The following DCLK2 variants were observed in gnomAD, a reference collection of about 807,000 sequenced individuals.
DCLK2 encodes doublecortin like kinase 2, also known as serine/threonine-protein kinase DCLK2.
Under a neutral mutation model 78.4 loss-of-function variants are expected in DCLK2, and 31 were observed. That is an observed-to-expected ratio of 0.40 (90% CI 0.30 to 0.53). The LOEUF (loss-of-function observed/expected upper bound fraction) is 0.53, where lower values mean the gene tolerates loss of function less well. Among genes scored for constraint, DCLK2 ranks in the 20% least tolerant of loss-of-function variants. The probability of loss-of-function intolerance (pLI) is 0.61; values close to 1 mark genes in which losing one functional copy is unlikely to be tolerated. For synonymous variants in DCLK2, 407 were observed against 374.9 expected, an observed-to-expected ratio of 1.09 and a Z score of -0.99; for missense variants, 872 against 973.7, an observed-to-expected ratio of 0.90 and a Z score of 1.39.
At position 150,166,834 on chromosome 4, in the gene DCLK2, T is replaced by G. The variant is rs144367589; in HGVS notation, c.757-26304T>G. Among the ~76,000 whole-genome samples, 15 of 152,290 alleles carry G rather than the reference T, an allele frequency of 9.8e-5. No individual in the cohort carries two copies. In the East Asian group the frequency reaches 2.9e-3, roughly 29 times the overall value. ...TCCTTTTCTGATTAGGAGACAACGC[T>G]CAAAAAGCAGCACTTCTGACTTTTT... On this transcript the variant is annotated intron_variant, in intron 2 of 15. Coordinates refer to ENST00000296550, the MANE Select transcript of DCLK2 (RefSeq NM_001040260.4).
In DCLK2 at chr4:150,256,314, G is replaced by A. The variant is rs1464033773; in HGVS notation, c.*67G>A. ...AGCCAGCCCTCTGCTCGGCCTCGCC[G>A]GCCTCCCTGCTGCAGGCCTCCCTCT... On this transcript the variant is annotated 3_prime_UTR_variant, in exon 16 of 16. Transcript: ENST00000296550. The A allele has an allele frequency of 2.1e-5, 31 of 1,442,700 alleles. No homozygotes were observed. The highest frequency in any genetic ancestry group is 1.3e-4 in the South Asian group (9 of 68,812). The allele number at this position is 1,442,700 out of a possible 1,614,324, so 89.4% of individuals were successfully genotyped here.
chr4:150,220,961 C>T (rs1466470729), intron 6 of DCLK2, among the ~76,000 whole-genome samples, 183 bp downstream of exon 6: 5 of 152,228 alleles, frequency 3.3e-5, no homozygotes, highest in South Asian at 2.1e-4. Flanking sequence ...AAAGAAAAAT[C>T]TCATTGTCAT....
intron 1 of DCLK2, among the ~76,000 whole-genome samples, chr4:150,081,169 AAG>A (rs1729237750): frequency 6.6e-6 from 1 of 152,224 alleles, no homozygotes; most frequent in Non-Finnish European, 1.5e-5. Context: ...ATGGTTTCTT[AAG>A]AGTCAACAAT....
In DCLK2 at chr4:150,078,941, C is replaced by T. The variant is rs979897311; in HGVS notation, c.-87C>T. 4 of 1,404,942 alleles carry T rather than the reference C, an allele frequency of 2.8e-6. No individual in the cohort carries two copies. In the African/African-American group the frequency reaches 4.5e-5, roughly 16 times the overall value. The allele number at this position is 1,404,942 out of a possible 1,614,324, so 87.0% of individuals were successfully genotyped here. ...GCCAGGTGTCCCGGCGCGTTAAGGG[C>T]CCTCGCAGTCAGACGTCCCTGCACC... On this transcript the variant is annotated 5_prime_UTR_variant, in exon 1 of 16. Transcript: ENST00000296550.
chr4:150,167,697 T>C (rs911376750), intron 2 of DCLK2, among the ~76,000 whole-genome samples: 2 of 152,042 alleles, frequency 1.3e-5, no homozygotes, highest in Non-Finnish European at 2.9e-5. Flanking sequence ...TTTAAAATAA[T>C]GATTGGTCGC....
chr4:150,126,580 T>C (rs1732932409), intron 2 of DCLK2, among the ~76,000 whole-genome samples: 2 of 152,216 alleles, frequency 1.3e-5, no homozygotes, highest in Non-Finnish European at 2.9e-5. Context: ...ATATGTATTT[T>C]AGGTCTTTTT....
intron 5 of DCLK2, among the ~76,000 whole-genome samples, chr4:150,211,709 T>C (rs1695635591): frequency 6.6e-6 from 1 of 152,146 alleles, no homozygotes; most frequent in South Asian, 2.1e-4. Flanking sequence ...TCCCTACTCA[T>C]TCTTTTTCCT....
At chr4:150,254,171 G>A (rs1744396133) in intron 15 of DCLK2, among the ~76,000 whole-genome samples, 1 of 152,192 alleles carries the variant, frequency 6.6e-6, no homozygotes, top group Non-Finnish European at 1.5e-5. Flanking sequence ...AGGGAATGCC[G>A]AGAAGCCGCC....
intron 2 of DCLK2, among the ~76,000 whole-genome samples, chr4:150,186,617 A>T (rs1270228588): frequency 2.6e-5 from 4 of 152,250 alleles, no homozygotes; most frequent in Non-Finnish European, 5.9e-5. Context: ...ATGAATGTGC[A>T]GTAGTACATT....
intron 1 of DCLK2, among the ~76,000 whole-genome samples, chr4:150,080,846 C>T (rs1054832526): frequency 1.3e-5 from 2 of 152,198 alleles, no homozygotes; most frequent in African/African-American, 4.8e-5. Context: ...TAAATTGTCT[C>T]TTCAGTCTAC....
chr4:150,143,238 A>G (rs946751895), intron 2 of DCLK2, among the ~76,000 whole-genome samples: 1 of 152,146 alleles, frequency 6.6e-6, no homozygotes, highest in African/African-American at 2.4e-5. Flanking sequence ...TGAACATTCA[A>G]TAGTCATTGA....
intron 12 of DCLK2, among the ~76,000 whole-genome samples, chr4:150,241,795 C>G (rs1440955297): frequency 6.6e-6 from 1 of 152,160 alleles, no homozygotes; most frequent in Non-Finnish European, 1.5e-5. Flanking sequence ...TAACCACATA[C>G]AGTGGAAAGG....
chr4:150,195,379 TA>T (rs67038036), intron 3 of DCLK2, among the ~76,000 whole-genome samples: 2 of 7,134 alleles, frequency 2.8e-4, no homozygotes, highest in African/African-American at 1.0e-3. Flanking sequence ...TAATATTATA[TA>T]ATATATATAT....
intron 2 of DCLK2, among the ~76,000 whole-genome samples, chr4:150,164,022 T>A (rs1292352907): frequency 6.6e-6 from 1 of 152,214 alleles, no homozygotes; most frequent in Non-Finnish European, 1.5e-5. Flanking sequence ...CCTCCTGCCT[T>A]GGCCTCTGAA....
intron 2 of DCLK2, among the ~76,000 whole-genome samples, chr4:150,175,195 C>CT (rs1736972317): frequency 1.2e-5 from 1 of 81,190 alleles, no homozygotes; most frequent in African/African-American, 5.8e-5. Flanking sequence ...TATAATTTAT[C>CT]TATATATATT....
At position 150,102,596 on chromosome 4, in the gene DCLK2, C is replaced by T. The variant is rs967677349; in HGVS notation, c.540C>T (p.Ala180=). ...GGACATCCCGAGCGCTGGCTGCTGCCTCCTCTGTGAAAAGTGAAGTAAAAG... is the reference window on the plus strand; with the variant it reads ...GGACATCCCGAGCGCTGGCTGCTGCTTCCTCTGTGAAAAGTGAAGTAAAAG... ...KGGTSRALAA[A]SSVKSEVKES... is the part of the protein sequence containing the mutation. Residue 180 remains alanine (A), a synonymous_variant, in exon 2 of 16, where the codon GCC becomes GCT. Coordinates refer to ENST00000296550, the MANE Select transcript of DCLK2 (RefSeq NM_001040260.4). The T allele has an allele frequency of 6.2e-7, 1 of 1,614,020 alleles. No homozygotes were observed. Among genetic ancestry groups the T allele is most frequent in the African/African-American group, 1.3e-5 (1 of 74,912 alleles).
chr4:150,103,819 GTAGAT>G (rs1731047012), intron 2 of DCLK2, among the ~76,000 whole-genome samples: 3 of 152,150 alleles, frequency 2.0e-5, no homozygotes, highest in South Asian at 2.1e-4. Flanking sequence ...AAAGATTCCA[GTAGAT>G]TATGGTAAAA....
At chr4:150,148,592 T>TA (rs1427038639) in intron 2 of DCLK2, among the ~76,000 whole-genome samples, 1 of 152,086 alleles carries the variant, frequency 6.6e-6, no homozygotes. Flanking sequence ...AATGTTAACT[T>TA]ACAACAGTAA....
At chr4:150,204,423 A>G (rs1409708221) in intron 5 of DCLK2, among the ~76,000 whole-genome samples, 2 of 152,232 alleles carry the variant, frequency 1.3e-5, no homozygotes, top group African/African-American at 4.8e-5. Context: ...TCCTAAAAAT[A>G]TAAACAGTAA....
Sources: gnomAD v4.1 joint callset for allele counts (sites outside exome capture counted in the v4.1 genomes callset) on GRCh38, gnomAD v4.1.1 for gene constraint, MANE v1.5 for transcripts, NCBI Gene and HGNC (gene_info 2026-07-23, HGNC 2026-07-21) for gene names.